VLDLR: variants seen among roughly 807,000 people sequenced by gnomAD.
VLDLR encodes very low density lipoprotein receptor.
A neutral mutation model predicts 112.7 loss-of-function variants in VLDLR; 81 were observed. The ratio of observed to expected loss-of-function variants is 0.72; its 90% CI spans 0.60 to 0.86. VLDLR has a LOEUF of 0.86. Among genes scored for constraint, VLDLR ranks in the 40% least tolerant of loss-of-function variants. VLDLR has a pLI of 0.00. For synonymous variants in VLDLR, 436 were observed against 384.8 expected, an observed-to-expected ratio of 1.13 and a Z score of -1.56; for missense variants, 1,237 against 1,099.4, an observed-to-expected ratio of 1.13 and a Z score of -1.77.
At chr9:2,647,118 C>T (rs1399799479) in intron 11 of VLDLR, among the ~76,000 whole-genome samples, 4 of 150,832 alleles carry the variant, frequency 2.7e-5, no homozygotes, top group South Asian at 2.1e-4. Flanking sequence ...AACTGGCCCC[C>T]GTGCAGCCTC....
chr9:2,641,479 G>C lies in VLDLR; in HGVS notation c.428G>C (p.Gly143Ala). Reference protein sequence around the residue: ...RCDGENDCDSGEDEENCGNIT... With the variant: ...RCDGENDCDSAEDEENCGNIT... ...GATGGTGAAAATGATTGTGACAGTG[G>C]AGAAGATGAAGAAAACTGTGGTAAG... Residue 143 changes from glycine (G) to alanine (A), a missense_variant, in exon 4 of 19, where the codon GGA (glycine) becomes GCA (alanine). Physicochemically the swap from Gly to Ala is moderately conservative, Grantham distance 60. Coordinates refer to ENST00000382100, the MANE Select transcript of VLDLR (RefSeq NM_003383.5). The C allele has an allele frequency of 6.2e-7, 1 of 1,614,196 alleles. No homozygotes were observed. The highest frequency in any genetic ancestry group is 8.5e-7 in the Non-Finnish European group (1 of 1,180,030).
In VLDLR at chr9:2,653,859, T is replaced by C. The variant is rs1193990534; in HGVS notation, c.2613T>C (p.Asp871=). 6.2e-7 allele frequency: 1 copy of C among 1,613,942 alleles called. No individual in the cohort carries two copies. Among genetic ancestry groups the C allele is most frequent in the Non-Finnish European group, 8.5e-7 (1 of 1,179,846 alleles). ...TATCAGTTGTAAGCACAGATGATGA[T>C]CTAGCTTGACTTCTGTGACAAATGT... ...PAISVVSTDD[D]LA Residue 871 remains aspartate (D), a synonymous_variant, in exon 19 of 19, where the codon GAT becomes GAC. Transcript: ENST00000382100.
At chr9:2,632,076 C>T (rs1817373065) in intron 1 of VLDLR, among the ~76,000 whole-genome samples, 1 of 152,160 alleles carries the variant, frequency 6.6e-6, no homozygotes, top group Non-Finnish European at 1.5e-5. Context: ...TAAATAGGCA[C>T]ATAAGTGAGT....
In VLDLR at chr9:2,633,844, G is replaced by T. The variant is rs73640147; in HGVS notation, c.83-1609G>T. On this transcript the variant is annotated intron_variant, in intron 1 of 18. Transcript: ENST00000382100. The stretch of plus-strand genomic sequence containing the variant: ...ATTGCAAACATATTAAGAATCCAGT[G>T]GCAATGAGGGGAGAGGGGAGAGGCA... 5.8e-3 allele frequency among the ~76,000 whole-genome samples: 880 copies of T among 152,218 alleles called. 14 individuals carry two copies. The highest frequency in any genetic ancestry group is 0.024 in the Middle Eastern group (7 of 294).
intron 1 of VLDLR, among the ~76,000 whole-genome samples, chr9:2,631,239 C>G (rs909683711): frequency 6.6e-6 from 1 of 152,106 alleles, no homozygotes; most frequent in African/African-American, 2.4e-5. Context: ...ATACAGCCAC[C>G]AAGGAAAACA....
chr9:2,644,829 C>G lies in VLDLR; in HGVS notation c.1162C>G (p.Leu388Val). 1.2e-6 allele frequency: 2 copies of G among 1,614,122 alleles called. No homozygotes were observed. Among genetic ancestry groups the G allele is most frequent in the Non-Finnish European group, 1.7e-6 (2 of 1,180,038 alleles). Residue 388 changes from leucine (L) to valine (V), a missense_variant, in exon 8 of 19, where the codon CTG becomes GTG. Transcript: ENST00000382100. ...GTGTGACTGTGCAGCTGGGTTTGAA[C>G]TGATAGATAGGAAAACCTGTGGAGG... ...YECDCAAGFE[L>V]IDRKTCGDID...
chr9:2,634,435 T>A (rs1276920473), intron 1 of VLDLR, among the ~76,000 whole-genome samples: 1 of 152,216 alleles, frequency 6.6e-6, no homozygotes, highest in Admixed American at 6.5e-5. Context: ...TTGCAGTATA[T>A]TTGCTTTAAG....
chr9:2,643,172 G>C lies in VLDLR; in HGVS notation c.461G>C (p.Cys154Ser). ...EDEENCGNIT[C>S]SPDEFTCSSG... ...TCTCTCTTAATAGGCAATATAACAT[G>C]TAGTCCCGACGAGTTCACCTGCTCC... Residue 154 changes from cysteine to serine, a missense_variant, in exon 5 of 19, where the codon TGT (cysteine) becomes TCT (serine). By Grantham distance (112) the Cys-to-Ser change is moderately radical. Coordinates refer to ENST00000382100, the MANE Select transcript of VLDLR (RefSeq NM_003383.5). 6.2e-7 allele frequency: 1 copy of C among 1,611,758 alleles called. No individual in the cohort carries two copies.
In VLDLR at chr9:2,660,027, C is replaced by T. The variant is rs146034443; in HGVS notation, c.*6159C>T. The T allele has an allele frequency of 4.6e-3, 698 of 150,772 alleles. 11 individuals carry two copies. Among genetic ancestry groups the T allele is most frequent in the African/African-American group, 0.017 (671 of 40,556 alleles). The allele number at this position is 150,772 out of a possible 1,614,324, so 9.3% of individuals were successfully genotyped here. ...AACTTTTTTTTACTAATGAACTGTA[C>T]ATTTAAATAAAAGTTTATTTTTGGG... On this transcript the variant is annotated 3_prime_UTR_variant, in exon 19 of 19. Transcript: ENST00000382100.
intron 1 of VLDLR, among the ~76,000 whole-genome samples, chr9:2,633,047 AGAGAGTGTGT>A (rs1375313143): frequency 8.4e-5 from 8 of 95,414 alleles, no homozygotes; most frequent in East Asian, 7.4e-4. Flanking sequence ...AGAGAGAGAG[AGAGAGTGTGT>A]GTGTGTGTGT....
chr9:2,651,581 C>A lies in VLDLR; in HGVS notation c.2335+83C>A, dbSNP rs1342592782. ...CTACAGCTTAAATAATTAATGCAGC[C>A]TTTAACTACTATTTCTGCCCCAATT... is the stretch of plus-strand genomic sequence containing the variant. On this transcript the variant is annotated intron_variant, in intron 16 of 18. Transcript: ENST00000382100. 4.8e-6 allele frequency: 6 copies of A among 1,259,646 alleles called. No individual in the cohort carries two copies. In the African/African-American group the frequency reaches 6.0e-5, roughly 13 times the overall value. The allele number at this position is 1,259,646 out of a possible 1,614,324, so 78.0% of individuals were successfully genotyped here.
At chr9:2,635,209 G>C (rs930739780) in intron 1 of VLDLR, among the ~76,000 whole-genome samples, 1 of 152,120 alleles carries the variant, frequency 6.6e-6, no homozygotes, top group Non-Finnish European at 1.5e-5. Flanking sequence ...TCAGAATGTA[G>C]CCCCTTGGCT....
intron 2 of VLDLR, among the ~76,000 whole-genome samples, chr9:2,635,868 A>G (rs540451961): frequency 2.8e-4 from 43 of 152,190 alleles, no homozygotes; most frequent in Non-Finnish European, 6.0e-4. Context: ...AGACAAACAG[A>G]AGATTGCTTA....
In VLDLR at chr9:2,656,266, A is replaced by G. The variant is rs1055168656; in HGVS notation, c.*2398A>G. On this transcript the variant is annotated 3_prime_UTR_variant, in exon 19 of 19. Transcript: ENST00000382100. ...GAGGTACAAACTCATTTGTAGAAACAAAGTAACTAGATATTCCTATTGAAA... is the reference window on the plus strand; with the variant it reads ...GAGGTACAAACTCATTTGTAGAAACGAAGTAACTAGATATTCCTATTGAAA... 2 of 152,104 alleles carry G rather than the reference A, an allele frequency of 1.3e-5. No homozygotes were observed. Among genetic ancestry groups the G allele is most frequent in the African/African-American group, 4.8e-5 (2 of 41,398 alleles). The allele number at this position is 152,104 out of a possible 1,614,324, so 9.4% of individuals were successfully genotyped here. A position where few individuals can be genotyped will look rare whatever the true frequency, so the allele number is the denominator to read the frequency against.
intron 12 of VLDLR, among the ~76,000 whole-genome samples, 162 bp from the exon 13 acceptor site, chr9:2,648,046 A>T (rs1444605268): frequency 6.6e-6 from 1 of 152,232 alleles, no homozygotes; most frequent in African/African-American, 2.4e-5. Flanking sequence ...ATGAACGTGG[A>T]TACAGGCTCT....
intron 1 of VLDLR, among the ~76,000 whole-genome samples, chr9:2,622,847 C>T (rs1450929456): frequency 6.6e-6 from 1 of 152,090 alleles, no homozygotes; most frequent in East Asian, 1.9e-4. Context: ...GCCGAGGGCA[C>T]CCGGACTGCG....
In VLDLR at chr9:2,654,008, T is replaced by C. The variant is rs1315178236; in HGVS notation, c.*140T>C. On this transcript the variant is annotated 3_prime_UTR_variant, in exon 19 of 19. Coordinates refer to ENST00000382100, the MANE Select transcript of VLDLR (RefSeq NM_003383.5). The stretch of plus-strand genomic sequence containing the variant: ...GATACCTTTGCGTGGATCAAGCTTG[T>C]GTACTTGACCGTTTTTATATTACTT... 3.7e-6 allele frequency: 3 copies of C among 808,036 alleles called. No individual in the cohort carries two copies. The highest frequency in any genetic ancestry group is 6.2e-6 in the Non-Finnish European group (3 of 481,128). The allele number at this position is 808,036 out of a possible 1,614,324, so 50.1% of individuals were successfully genotyped here. A position where few individuals can be genotyped will look rare whatever the true frequency, so the allele number is the denominator to read the frequency against.
At chr9:2,639,759 T>C in intron 2 of VLDLR, 100 bp from the exon 3 acceptor site, 1 of 1,597,284 alleles carries the variant, frequency 6.3e-7, no homozygotes, top group Non-Finnish European at 8.6e-7. Context: ...TCAGCTTTTT[T>C]TTAGAGCAAA....
intron 1 of VLDLR, among the ~76,000 whole-genome samples, chr9:2,631,425 TAATG>T (rs1817345173): frequency 6.6e-6 from 1 of 152,010 alleles, no homozygotes; most frequent in South Asian, 2.1e-4. Flanking sequence ...TGCCCATCAA[TAATG>T]AAAGGGTAAA....
Sources: allele counts gnomAD v4.1 joint callset (sites outside exome capture counted in the v4.1 genomes callset), GRCh38; gene constraint gnomAD v4.1.1; transcripts MANE v1.5; gene names NCBI Gene and HGNC (gene_info 2026-07-23, HGNC 2026-07-21).